The following CACNA2D1 variants were observed in gnomAD, a reference collection of about 807,000 sequenced individuals.
CACNA2D1 encodes the protein calcium voltage-gated channel auxiliary subunit alpha2delta 1, also known as voltage-dependent calcium channel subunit alpha-2/delta-1.
In CACNA2D1, 53 loss-of-function variants were observed where a neutral mutation model predicts 171.5. That is an observed-to-expected ratio of 0.31 (90% confidence interval 0.25 to 0.39). The LOEUF is 0.39. CACNA2D1 is among the 10% of genes least tolerant of loss of function. The pLI, the probability that CACNA2D1 is intolerant of heterozygous loss-of-function variation, is 1.00. For missense variants in CACNA2D1, 903 were observed against 1,299.8 expected (o/e 0.69, Z 4.69); for synonymous variants, 442 against 443.1 (o/e 1.00, Z 0.03).
chr7:82,054,478 A>G (rs1805571251), intron 10 of CACNA2D1, among the ~76,000 whole-genome samples: 1 of 152,246 alleles, frequency 6.6e-6, no homozygotes, highest in Non-Finnish European at 1.5e-5. Context: ...CCAGAGAAAT[A>G]AGCTGCACTC....
At chr7:82,223,800 C>T (rs955497840) in intron 3 of CACNA2D1, among the ~76,000 whole-genome samples, 1 of 152,194 alleles carries the variant, frequency 6.6e-6, no homozygotes, top group Non-Finnish European at 1.5e-5. Flanking sequence ...CATAATGATG[C>T]TTCTGAAAAT....
intron 36 of CACNA2D1, among the ~76,000 whole-genome samples, chr7:81,960,991 T>C (rs1794049287): frequency 1.3e-5 from 2 of 151,924 alleles, no homozygotes; most frequent in African/African-American, 4.8e-5. Flanking sequence ...ACTGACCACG[T>C]CTCCTAAAAA....
rs546342248 is a variant in CACNA2D1, at chr7:82,123,379, G to A, written c.397-6206C>T. ...TTTAACAAGCTTATACATCACCCACGTTTTATTTTGCCTACTGCAAGAACA... is the reference window on the plus strand; with the variant it reads ...TTTAACAAGCTTATACATCACCCACATTTTATTTTGCCTACTGCAAGAACA... On this transcript the variant is annotated intron_variant, in intron 5 of 38. Transcript: ENST00000356860. 2.6e-5 allele frequency among the ~76,000 whole-genome samples: 4 copies of A among 152,210 alleles called. No individual in the cohort carries two copies. In the East Asian group the frequency reaches 5.8e-4, roughly 22 times the overall value.
In CACNA2D1 at chr7:81,947,213, G is replaced by C. The variant is rs866061946; in HGVS notation, c.*3179C>G. ...CATCAAATAAGCAAGTAACACTTGG[G>C]TTGCAAAGGTCACTTAAAAGGGATA... On this transcript the variant is annotated 3_prime_UTR_variant, in exon 39 of 39. Transcript: ENST00000356860. 3 of 151,976 alleles carry C rather than the reference G, an allele frequency of 2.0e-5. No individual in the cohort carries two copies. The highest frequency in any genetic ancestry group is 6.8e-3 in the Middle Eastern group (2 of 294). 9.4% of individuals were successfully genotyped at this position (151,976 alleles called of 1,614,324 possible).
At chr7:81,989,058 A>T in intron 21 of CACNA2D1, among the ~76,000 whole-genome samples, 1 of 152,180 alleles carries the variant, frequency 6.6e-6, no homozygotes, top group East Asian at 1.9e-4. Flanking sequence ...AAAGATGGGA[A>T]GATGAGGGAA....
At position 81,995,599 on chromosome 7, in the gene CACNA2D1, G is replaced by C. The variant is rs144590858; in HGVS notation, c.1663-660C>G. Among the ~76,000 whole-genome samples, 243 of 152,136 alleles carry C rather than the reference G, an allele frequency of 1.6e-3. 5 individuals are homozygous for C. The East Asian group carries it at 0.017, about 11-fold the overall frequency. Reference sequence around the variant, plus strand: ...AAATTGCCTGAGGTTGAGAGTTCGAGATCAGCCCAGCCAGAATGATGAAAC... The same window carrying C: ...AAATTGCCTGAGGTTGAGAGTTCGACATCAGCCCAGCCAGAATGATGAAAC... On this transcript the variant is annotated intron_variant, in intron 19 of 38. Coordinates refer to ENST00000356860, the MANE Select transcript of CACNA2D1 (RefSeq NM_000722.4).
intron 1 of CACNA2D1, among the ~76,000 whole-genome samples, chr7:82,381,570 T>G (rs964827896): frequency 2.6e-5 from 4 of 152,148 alleles, no homozygotes; most frequent in African/African-American, 9.7e-5. Flanking sequence ...GCTTTATTAT[T>G]TTACCCTTAC....
intron 1 of CACNA2D1, among the ~76,000 whole-genome samples, chr7:82,365,680 C>T (rs944159633): frequency 3.9e-5 from 6 of 152,198 alleles, no homozygotes; most frequent in Admixed American, 3.9e-4. Flanking sequence ...TTTAGCTACG[C>T]TTTTGAGCCT....
intron 4 of CACNA2D1, among the ~76,000 whole-genome samples, chr7:82,156,887 ATAAT>A (rs1170209526): frequency 6.6e-6 from 1 of 152,174 alleles, no homozygotes; most frequent in Non-Finnish European, 1.5e-5. Flanking sequence ...TAGCATCAAC[ATAAT>A]TAAGTAAATT....
At chr7:82,118,758 T>G (rs1789375048) in intron 5 of CACNA2D1, among the ~76,000 whole-genome samples, 1 of 152,064 alleles carries the variant, frequency 6.6e-6, no homozygotes, top group African/African-American at 2.4e-5. Flanking sequence ...TAGAAATAAC[T>G]TTAAAATAAT....
intron 3 of CACNA2D1, among the ~76,000 whole-genome samples, chr7:82,217,288 T>C (rs1039569340): frequency 6.6e-6 from 1 of 150,990 alleles, no homozygotes; most frequent in Non-Finnish European, 1.5e-5. Context: ...CTAATAAAGA[T>C]AAACAGAAAA....
intron 6 of CACNA2D1, among the ~76,000 whole-genome samples, chr7:82,100,126 C>A (rs1313490504): frequency 6.6e-6 from 1 of 152,060 alleles, no homozygotes; most frequent in Non-Finnish European, 1.5e-5. Context: ...CTACACACTG[C>A]AAAAACCTTA....
chr7:82,202,785 G>T (rs1182049119), intron 3 of CACNA2D1, among the ~76,000 whole-genome samples: 1 of 151,924 alleles, frequency 6.6e-6, no homozygotes. Context: ...TACAGAGGAG[G>T]CTGTTGGCAG....
chr7:82,229,140 T>G (rs2129272834), intron 3 of CACNA2D1, among the ~76,000 whole-genome samples: 1 of 152,332 alleles, frequency 6.6e-6, no homozygotes, highest in East Asian at 1.9e-4. Flanking sequence ...TTCCATTATA[T>G]ATCCCCATTA....
intron 3 of CACNA2D1, among the ~76,000 whole-genome samples, chr7:82,224,278 A>C (rs899623425): frequency 3.9e-5 from 6 of 152,192 alleles, no homozygotes; most frequent in Non-Finnish European, 7.3e-5. Context: ...CTTTATCAGA[A>C]ACTTAAAAAT....
Position 82,414,404 on chromosome 7 carries a change from A to T in CACNA2D1, c.95+28961T>A, listed in dbSNP as rs7778312. On this transcript the variant is annotated intron_variant, in intron 1 of 38. Coordinates refer to ENST00000356860, the MANE Select transcript of CACNA2D1 (RefSeq NM_000722.4). ...GGACCCCTGGCTAGTATGAAATGCC[A>T]CAATCACATCTGACCCCACACACAT... is the stretch of plus-strand genomic sequence containing the variant. Among the ~76,000 whole-genome samples the T allele has an allele frequency of 3.2e-3, 484 of 152,306 alleles. 2 individuals carry two copies. Among genetic ancestry groups the T allele is most frequent in the African/African-American group, 0.011 (453 of 41,568 alleles).
intron 3 of CACNA2D1, among the ~76,000 whole-genome samples, chr7:82,327,612 G>T (rs1243039605): frequency 6.6e-6 from 1 of 152,140 alleles, no homozygotes; most frequent in African/African-American, 2.4e-5. Flanking sequence ...GGTTAGTACT[G>T]CTTCAGACCA....
At chr7:82,077,301 C>G (rs1300267372) in intron 7 of CACNA2D1, among the ~76,000 whole-genome samples, 1 of 152,096 alleles carries the variant, frequency 6.6e-6, no homozygotes, top group Non-Finnish European at 1.5e-5. Context: ...TAACTATGAC[C>G]AAGAGACCAC....
chr7:82,029,294 T>C (rs1234860303), intron 12 of CACNA2D1: 2 of 151,806 alleles, frequency 1.3e-5, no homozygotes, highest in African/African-American at 4.8e-5. Flanking sequence ...TGTACTTTTT[T>C]TAGACAAAGT....
Sources: allele counts gnomAD v4.1 joint callset (sites outside exome capture counted in the v4.1 genomes callset), GRCh38; gene constraint gnomAD v4.1.1; transcripts MANE v1.5; gene names NCBI Gene and HGNC (gene_info 2026-07-23, HGNC 2026-07-21).